Variants in GLS observed in about 807,000 individuals in gnomAD.
GLS encodes the protein glutaminase kidney isoform, mitochondrial.
Under a neutral mutation model 86.7 loss-of-function variants are expected in GLS, and 36 were observed. The ratio of observed to expected loss-of-function variants is 0.42; its 90% CI spans 0.32 to 0.55. The LOEUF (loss-of-function observed/expected upper bound fraction) is 0.55. Among genes scored for constraint, GLS ranks in the 20% least tolerant of loss-of-function variants. The probability of loss-of-function intolerance (pLI) is 0.17; values close to 1 mark genes in which losing one functional copy is unlikely to be tolerated. For synonymous variants in GLS, 317 were observed against 305.9 expected, an observed-to-expected ratio of 1.04 and a Z score of -0.38; for missense variants, 528 against 833.4, an observed-to-expected ratio of 0.63 and a Z score of 4.51.
chr2:190,923,897 GTT>G lies in GLS; in HGVS notation c.1131-12_1131-11del. On this transcript the variant is annotated intron_variant, in intron 9 of 17. Transcript: ENST00000320717. ...TTTAAAGAAAGTACATAGAGCAAAT[GTT>G]TTTTTTTCTTCTTCCAGGTTTCAGT... 6.9e-7 allele frequency: 1 copy of G among 1,456,468 alleles called. No homozygotes were observed. Among genetic ancestry groups the G allele is most frequent in the Non-Finnish European group, 9.5e-7 (1 of 1,048,728 alleles). The allele number at this position is 1,456,468 out of a possible 1,614,324, so 90.2% of individuals were successfully genotyped here.
chr2:190,911,759 A>G (rs138479920), intron 7 of GLS, among the ~76,000 whole-genome samples: 2 of 152,104 alleles, frequency 1.3e-5, no homozygotes, highest in East Asian at 1.9e-4. Context: ...AAAAACACCA[A>G]AAGTGTTTCT....
At chr2:190,925,996 ATATT>A (rs1689883986) in intron 11 of GLS, among the ~76,000 whole-genome samples, 1 of 152,070 alleles carries the variant, frequency 6.6e-6, no homozygotes, top group South Asian at 2.1e-4. Flanking sequence ...TTTGGAATAC[ATATT>A]TAAATTTGGC....
chr2:190,927,549 C>G, intron 12 of GLS, 67 bp downstream of exon 12: 1 of 1,132,742 alleles, frequency 8.8e-7, no homozygotes, highest in Admixed American at 2.4e-5. Context: ...TTTAAAAATG[C>G]AGTTTGAACT....
At chr2:190,958,413 C>G (rs1389792236) in intron 17 of GLS, among the ~76,000 whole-genome samples, 1 of 152,118 alleles carries the variant, frequency 6.6e-6, no homozygotes, top group Non-Finnish European at 1.5e-5. Context: ...TTTTTCATGT[C>G]TCTGTCTCCT....
chr2:190,931,788 C>T (rs566967480), intron 14 of GLS, 151 bp downstream of exon 14: 153 of 475,316 alleles, frequency 3.2e-4, no homozygotes, highest in East Asian at 3.2e-3. Context: ...CATATAAATC[C>T]GGGATCACCA....
In GLS at chr2:190,924,931, G is replaced by A. The variant is rs1244209830; in HGVS notation, c.1248+338G>A. Among the ~76,000 whole-genome samples, 1 of 152,156 alleles carries A rather than the reference G, an allele frequency of 6.6e-6. No individual in the cohort carries two copies. Among genetic ancestry groups the A allele is most frequent in the African/African-American group, 2.4e-5 (1 of 41,434 alleles). ...TCCGTCTCAAAATAAATAAATGGAT[G>A]TGTCACATTATGCAAAATATAGATG... On this transcript the variant is annotated intron_variant, in intron 11 of 17. Coordinates refer to ENST00000320717, the MANE Select transcript of GLS (RefSeq NM_014905.5). The surrounding 1 kb of genome is among the most constrained non-coding windows in gnomAD (Gnocchi z 5.2).
chr2:190,919,001 C>G (rs1219762653), intron 7 of GLS, among the ~76,000 whole-genome samples: 1 of 152,022 alleles, frequency 6.6e-6, no homozygotes, highest in African/African-American at 2.4e-5. Flanking sequence ...GATCACAGAT[C>G]CCCATAAGAC....
intron 14 of GLS, among the ~76,000 whole-genome samples, chr2:190,945,182 T>G (rs1359474158): frequency 6.6e-6 from 1 of 152,214 alleles, no homozygotes; most frequent in African/African-American, 2.4e-5. Flanking sequence ...TCCTGTCCTT[T>G]AATAACAGAA....
At chr2:190,892,615 A>T (rs1447138016) in intron 1 of GLS, among the ~76,000 whole-genome samples, 1 of 152,116 alleles carries the variant, frequency 6.6e-6, no homozygotes, top group East Asian at 1.9e-4. Context: ...AGGGAGAGAA[A>T]AGGGGGGTTA....
At chr2:190,952,418 C>G (rs930730790) in intron 14 of GLS, among the ~76,000 whole-genome samples, 8 of 152,114 alleles carry the variant, frequency 5.3e-5, no homozygotes, top group Non-Finnish European at 8.8e-5. Context: ...ATTTTAAGAT[C>G]ATATACAAAC....
chr2:190,899,856 A>T (rs528967121), intron 3 of GLS, among the ~76,000 whole-genome samples: 1 of 151,970 alleles, frequency 6.6e-6, no homozygotes, highest in Non-Finnish European at 1.5e-5. Flanking sequence ...CTATATTTTT[A>T]AAATACTTTT....
intron 3 of GLS, among the ~76,000 whole-genome samples, chr2:190,898,113 G>A (rs375044194): frequency 6.6e-6 from 1 of 152,032 alleles, no homozygotes; most frequent in African/African-American, 2.4e-5. Context: ...AACTTTCTTT[G>A]TATGATCATA....
chr2:190,936,131 A>T (rs1255919718), intron 14 of GLS, among the ~76,000 whole-genome samples: 1 of 151,190 alleles, frequency 6.6e-6, no homozygotes, highest in Non-Finnish European at 1.5e-5. Context: ...TATTCAATAT[A>T]TGTAACAGTT....
chr2:190,930,571 A>C lies in GLS; in HGVS notation c.1557+3A>C. ...TTAAGGGAATTCACTTTTGTCACGT[A>C]AGCATATTTTCTTAATGTAAATAAT... On this transcript the variant is annotated splice_donor_region_variant and intron_variant, in intron 13 of 17. Coordinates refer to ENST00000320717, the MANE Select transcript of GLS (RefSeq NM_014905.5). The surrounding 1 kb of genome is among the most constrained non-coding windows in gnomAD (Gnocchi z 5.0). 1.2e-6 allele frequency: 2 copies of C among 1,603,190 alleles called. No individual in the cohort carries two copies. Among genetic ancestry groups the C allele is most frequent in the Non-Finnish European group, 1.7e-6 (2 of 1,176,226 alleles).
rs116337553 is a variant in GLS at position 190,936,924 on chromosome 2, A to G, written c.1650+5287A>G. On this transcript the variant is annotated intron_variant, in intron 14 of 17. Transcript: ENST00000320717. ...GCTAGAAAGCATTTTTTAAAGGTAT[A>G]CGATCAGAATACTTAACGTGTGATT... Among the ~76,000 whole-genome samples the G allele has an allele frequency of 3.3e-3, 495 of 151,442 alleles. 4 individuals carry two copies. The highest frequency in any genetic ancestry group is 0.011 in the African/African-American group (460 of 41,538).
Position 190,923,894 on chromosome 2 carries a change from A to G in GLS, c.1131-23A>G, listed in dbSNP as rs369253974. ...ACTTTTAAAGAAAGTACATAGAGCAAATGTTTTTTTTTCTTCTTCCAGGTT... is the reference window on the plus strand; with the variant it reads ...ACTTTTAAAGAAAGTACATAGAGCAGATGTTTTTTTTTCTTCTTCCAGGTT... On this transcript the variant is annotated intron_variant, in intron 9 of 17. Coordinates refer to ENST00000320717, the MANE Select transcript of GLS (RefSeq NM_014905.5). 27 of 1,470,080 alleles carry G rather than the reference A, an allele frequency of 1.8e-5. No individual in the cohort carries two copies. The East Asian group carries it at 2.5e-4, about 14-fold the overall frequency. 91.1% of individuals were successfully genotyped at this position (1,470,080 alleles called of 1,614,324 possible). A position where few individuals can be genotyped will look rare whatever the true frequency, so the allele number is the denominator to read the frequency against.
chr2:190,881,027 G>A lies in GLS; in HGVS notation c.-58G>A. On this transcript the variant is annotated 5_prime_UTR_variant, in exon 1 of 18. Coordinates refer to ENST00000320717, the MANE Select transcript of GLS (RefSeq NM_014905.5). ...ACAGACCGCGTTCCCCGAGGAAACC[G>A]GCCGCCCACGCCCGGAGCATCCTCC... 2.0e-6 allele frequency: 3 copies of A among 1,513,024 alleles called. No individual in the cohort carries two copies. The highest frequency in any genetic ancestry group is 1.4e-5 in the African/African-American group (1 of 72,244). The allele number at this position is 1,513,024 out of a possible 1,614,324, so 93.7% of individuals were successfully genotyped here.
chr2:190,930,695 G>A lies in GLS; in HGVS notation c.1557+127G>A, dbSNP rs1250373105. Reference sequence around the variant, plus strand: ...CCGCCTATAGTGTGCCAGTTACTAGGGAGCCGTGGAAATACTCCCAGAGGA... The same window carrying A: ...CCGCCTATAGTGTGCCAGTTACTAGAGAGCCGTGGAAATACTCCCAGAGGA... On this transcript the variant is annotated intron_variant, in intron 13 of 17. Transcript: ENST00000320717. The surrounding 1 kb of genome is among the most constrained non-coding windows in gnomAD (Gnocchi z 5.0). 2.6e-6 allele frequency: 2 copies of A among 759,578 alleles called. No homozygotes were observed. Among genetic ancestry groups the A allele is most frequent in the Admixed American group, 3.1e-5 (1 of 32,332 alleles). 47.1% of individuals were successfully genotyped at this position (759,578 alleles called of 1,614,324 possible).
intron 7 of GLS, among the ~76,000 whole-genome samples, chr2:190,910,607 CTT>C (rs779085975): frequency 1.7e-5 from 2 of 119,850 alleles, no homozygotes; most frequent in Admixed American, 8.4e-5. Context: ...GGCATAGAGG[CTT>C]TTTTTTTTTT....
Sources: allele counts gnomAD v4.1 joint callset (sites outside exome capture counted in the v4.1 genomes callset), GRCh38; gene constraint gnomAD v4.1.1; non-coding constraint Gnocchi (gnomAD v3.1); transcripts MANE v1.5; gene names NCBI Gene and HGNC (gene_info 2026-07-23, HGNC 2026-07-21).